ASAP1: variants seen among roughly 807,000 people sequenced by gnomAD.
ASAP1 encodes the protein arf-GAP with SH3 domain, ANK repeat and PH domain-containing protein 1.
A neutral mutation model predicts 145.2 loss-of-function variants in ASAP1; 43 were observed. The ratio of observed to expected loss-of-function variants is 0.30; its 90% CI spans 0.23 to 0.38. ASAP1 has a LOEUF of 0.38. ASAP1 is among the 10% of genes least tolerant of loss of function. ASAP1 has a pLI of 1.00. For missense variants in ASAP1, 1,018 were observed against 1,355.3 expected (o/e 0.75, Z 3.91); for synonymous variants, 546 against 515.5 (o/e 1.06, Z -0.80).
At chr8:130,134,229 G>T in intron 15 of ASAP1, 67 bp downstream of exon 15, 1 of 1,217,002 alleles carries the variant, frequency 8.2e-7, no homozygotes, top group Non-Finnish European at 1.2e-6. Flanking sequence ...AAATGTTGAT[G>T]TGTATTGTAA....
intron 2 of ASAP1, among the ~76,000 whole-genome samples, chr8:130,380,139 G>A (rs944290522): frequency 6.6e-6 from 1 of 152,196 alleles, no homozygotes; most frequent in Non-Finnish European, 1.5e-5. Flanking sequence ...AGGAGGATCT[G>A]AGTACAAGGA....
At chr8:130,380,684 T>C (rs769139867) in intron 2 of ASAP1, among the ~76,000 whole-genome samples, 2 of 152,146 alleles carry the variant, frequency 1.3e-5, no homozygotes, top group Admixed American at 6.5e-5. Context: ...GAGTTTCAAA[T>C]TGTCAGCAGC....
At position 130,214,635 on chromosome 8, in the gene ASAP1, C is replaced by G; in HGVS notation, c.326G>C (p.Arg109Pro). ...CGCGGTGCCAAGGTCGGGGTTGTCT[C>G]GACTTAAAAAATTACTCCCAAACTT... ...LDKFGSNFLSRDNPDLGTAFV... is the reference protein window; with the variant it reads ...LDKFGSNFLSPDNPDLGTAFV... Residue 109 changes from arginine to proline, a missense_variant, in exon 5 of 30, where the codon CGA (arginine) becomes CCA (proline). By Grantham distance (103) the Arg-to-Pro change is moderately radical (BLOSUM62 -2). This residue lies in a region of ASAP1 where 106 missense variants were observed against 134.5 expected (regional missense o/e 0.79). Transcript: ENST00000518721. 1 of 1,611,936 alleles carries G rather than the reference C, an allele frequency of 6.2e-7. No homozygotes were observed. Among genetic ancestry groups the G allele is most frequent in the Non-Finnish European group, 8.5e-7 (1 of 1,178,828 alleles).
chr8:130,146,689 G>A (rs1259021163), intron 13 of ASAP1, among the ~76,000 whole-genome samples: 1 of 152,110 alleles, frequency 6.6e-6, no homozygotes, highest in Non-Finnish European at 1.5e-5. Flanking sequence ...TTCTTTTAAA[G>A]CCCTGGAAGC....
At chr8:130,117,108 A>G (rs531764989) in intron 20 of ASAP1, 113 bp from the exon 21 acceptor site, 3 of 637,756 alleles carry the variant, frequency 4.7e-6, no homozygotes, top group South Asian at 2.2e-5. Flanking sequence ...CCTAATTATT[A>G]TAATAGAGAA....
At chr8:130,243,777 A>T (rs1818686706) in intron 3 of ASAP1, among the ~76,000 whole-genome samples, 1 of 152,078 alleles carries the variant, frequency 6.6e-6, no homozygotes. Flanking sequence ...TCTCACAAGG[A>T]CATTCTGATG....
intron 5 of ASAP1, among the ~76,000 whole-genome samples, chr8:130,194,875 C>T (rs1815374802): frequency 6.6e-6 from 1 of 152,162 alleles, no homozygotes; most frequent in African/African-American, 2.4e-5. Flanking sequence ...GGGTTGGGGG[C>T]CCCTCCTTTA....
intron 3 of ASAP1, among the ~76,000 whole-genome samples, chr8:130,274,544 A>AC (rs1820766768): frequency 1.3e-5 from 2 of 151,918 alleles, no homozygotes; most frequent in South Asian, 4.2e-4. Flanking sequence ...GGGATACTTA[A>AC]CCCCGCCACA....
chr8:130,388,488 G>C (rs1828127321), intron 2 of ASAP1, among the ~76,000 whole-genome samples: 1 of 152,182 alleles, frequency 6.6e-6, no homozygotes, highest in Admixed American at 6.5e-5. Flanking sequence ...AGATCATCAA[G>C]TCTGGAACTC....
At chr8:130,174,655 C>T (rs1174110938) in intron 9 of ASAP1, among the ~76,000 whole-genome samples, 1 of 152,186 alleles carries the variant, frequency 6.6e-6, no homozygotes, top group Admixed American at 6.5e-5. Flanking sequence ...TAACCAACAG[C>T]CAATGATTTA....
chr8:130,136,958 C>T lies in ASAP1; in HGVS notation c.1161G>A (p.Leu387=). 1 of 1,614,058 alleles carries T rather than the reference C, an allele frequency of 6.2e-7. No individual in the cohort carries two copies. Among genetic ancestry groups the T allele is most frequent in the East Asian group, 2.2e-5 (1 of 44,874 alleles). The change falls in exon 14 of 30, where the codon CTG becomes CTA. Residue 387 remains leucine, a synonymous_variant. Coordinates refer to ENST00000518721, the MANE Select transcript of ASAP1 (RefSeq NM_018482.4). ...PNAEDKKSFD[L]ISHNRTYHFQ... is the part of the protein sequence containing the mutation. ...GAGAGAAAAAGGACTCACGTGATATCAGGTCAAAAGATTTTTTGTCTTCGG... is the reference window on the plus strand; with the variant it reads ...GAGAGAAAAAGGACTCACGTGATATTAGGTCAAAAGATTTTTTGTCTTCGG...
At chr8:130,153,034 T>C (rs1439417292) in intron 12 of ASAP1, among the ~76,000 whole-genome samples, 2 of 151,870 alleles carry the variant, frequency 1.3e-5, no homozygotes, top group African/African-American at 4.8e-5. Context: ...ATTTTTTTTT[T>C]GAGATGGAGT....
chr8:130,404,336 T>C (rs997528786), intron 1 of ASAP1, among the ~76,000 whole-genome samples: 5 of 152,210 alleles, frequency 3.3e-5, no homozygotes, highest in Non-Finnish European at 5.9e-5. Context: ...GGAAATGCAA[T>C]GGACTCAGGA....
chr8:130,349,556 G>C (rs1402984485), intron 3 of ASAP1, among the ~76,000 whole-genome samples: 2 of 152,202 alleles, frequency 1.3e-5, no homozygotes, highest in African/African-American at 4.8e-5. Context: ...TCAGTAACTT[G>C]CCCAACACAC....
At chr8:130,124,335 G>A (rs1592855779) in intron 17 of ASAP1, among the ~76,000 whole-genome samples, 1 of 152,176 alleles carries the variant, frequency 6.6e-6, no homozygotes, top group South Asian at 2.1e-4. Context: ...CCTTTCCATA[G>A]ATGCTCATAG....
At chr8:130,302,212 A>C (rs531300231) in intron 3 of ASAP1, among the ~76,000 whole-genome samples, 1 of 152,380 alleles carries the variant, frequency 6.6e-6, no homozygotes, top group Non-Finnish European at 1.5e-5. Context: ...GTAAAAAGGC[A>C]TTGATTGTCC....
At position 130,214,541 on chromosome 8, in the gene ASAP1, T is replaced by G; in HGVS notation, c.405+15A>C. 1 of 1,583,928 alleles carries G rather than the reference T, an allele frequency of 6.3e-7. No homozygotes were observed. Among genetic ancestry groups the G allele is most frequent in the Non-Finnish European group, 8.6e-7 (1 of 1,168,208 alleles). ...AAGGCTGTAATTCTTTTTACTCACA[T>G]ATGAAATGTCTTACCAGATTTTTCA... On this transcript the variant is annotated intron_variant, in intron 5 of 29. Transcript: ENST00000518721.
At position 130,123,373 on chromosome 8, in the gene ASAP1, G is replaced by C. The variant is rs368715768; in HGVS notation, c.1607+640C>G. Among the ~76,000 whole-genome samples, 212 of 152,230 alleles carry C rather than the reference G, an allele frequency of 1.4e-3. 5 individuals are homozygous for C. The South Asian group carries it at 0.043, about 31-fold the overall frequency. Reference sequence around the variant, plus strand: ...ATTTGGATTTTTGCCAGGCTAAAAGGAATCTCCCATTGTCTTTGAATGTCT... The same window carrying C: ...ATTTGGATTTTTGCCAGGCTAAAAGCAATCTCCCATTGTCTTTGAATGTCT... On this transcript the variant is annotated intron_variant, in intron 18 of 29. Coordinates refer to ENST00000518721, the MANE Select transcript of ASAP1 (RefSeq NM_018482.4).
intron 18 of ASAP1, among the ~76,000 whole-genome samples, chr8:130,119,568 A>T (rs892191846): frequency 6.6e-6 from 1 of 152,214 alleles, no homozygotes; most frequent in Admixed American, 6.5e-5. Context: ...GGAAAGACTA[A>T]AATGGAAGTC....
Sources: gnomAD v4.1 joint callset for allele counts (sites outside exome capture counted in the v4.1 genomes callset) on GRCh38, gnomAD v4.1.1 for gene constraint, gnomAD v4.1.1 regional missense constraint, MANE v1.5 for transcripts, NCBI Gene and HGNC (gene_info 2026-07-23, HGNC 2026-07-21) for gene names.